Variants in ZFPM2 observed in about 807,000 individuals in gnomAD.
ZFPM2 encodes zinc finger protein ZFPM2.
Under a neutral mutation model 98.6 loss-of-function variants are expected in ZFPM2, and 20 were observed. That is an observed-to-expected ratio of 0.20 (90% CI 0.14 to 0.29). The LOEUF is 0.29. Among genes scored for constraint, ZFPM2 ranks in the 10% least tolerant of loss-of-function variants. ZFPM2 has a pLI of 1.00. For missense variants in ZFPM2, 1,310 were observed against 1,388.6 expected (o/e 0.94, Z 0.90); for synonymous variants, 518 against 502.7 (o/e 1.03, Z -0.41).
chr8:105,557,435 C>G (rs1350144913), intron 3 of ZFPM2, among the ~76,000 whole-genome samples: 2 of 152,156 alleles, frequency 1.3e-5, no homozygotes, highest in Admixed American at 1.3e-4. Flanking sequence ...TTATTTTACT[C>G]TTAATTCTTG....
At chr8:105,322,562 G>A (rs377206796) in intron 1 of ZFPM2, among the ~76,000 whole-genome samples, 1 of 151,502 alleles carries the variant, frequency 6.6e-6, no homozygotes, top group South Asian at 2.1e-4. Context: ...ATTAGGAAAA[G>A]GCACTCTTCT....
At chr8:105,769,075 T>C (rs1341669567) in intron 5 of ZFPM2, among the ~76,000 whole-genome samples, 1 of 152,048 alleles carries the variant, frequency 6.6e-6, no homozygotes, top group Non-Finnish European at 1.5e-5. Flanking sequence ...GAAAACGTTT[T>C]AGCTCAGGTT....
chr8:105,506,443 A>T (rs1376675043), intron 3 of ZFPM2, among the ~76,000 whole-genome samples: 1 of 152,216 alleles, frequency 6.6e-6, no homozygotes, highest in Non-Finnish European at 1.5e-5. Context: ...TAAAAATGAA[A>T]TATAATATTT....
chr8:105,358,825 C>T (rs1375189676), intron 1 of ZFPM2, among the ~76,000 whole-genome samples: 6 of 151,952 alleles, frequency 3.9e-5, no homozygotes, highest in Non-Finnish European at 5.9e-5. Context: ...TGTGGTGGTG[C>T]GTGCCTGTAG....
At chr8:105,413,667 A>G (rs1811625346) in intron 1 of ZFPM2, among the ~76,000 whole-genome samples, 1 of 151,688 alleles carries the variant, frequency 6.6e-6, no homozygotes, top group Admixed American at 6.6e-5. Context: ...AAAAGAGTTC[A>G]AAAGAGCATA....
At chr8:105,511,473 C>T (rs184432777) in intron 3 of ZFPM2, among the ~76,000 whole-genome samples, 1 of 152,278 alleles carries the variant, frequency 6.6e-6, no homozygotes, top group Admixed American at 6.5e-5. Flanking sequence ...GGCCCATGGC[C>T]AGAACCAACC....
At chr8:105,321,336 C>G (rs1469375082) in intron 1 of ZFPM2, among the ~76,000 whole-genome samples, 2 of 152,010 alleles carry the variant, frequency 1.3e-5, no homozygotes, top group Admixed American at 6.6e-5. Flanking sequence ...TTTTCTATTA[C>G]AAACAACACT....
At chr8:105,591,129 A>G (rs1166037842) in intron 4 of ZFPM2, among the ~76,000 whole-genome samples, 1 of 152,150 alleles carries the variant, frequency 6.6e-6, no homozygotes, top group Non-Finnish European at 1.5e-5. Flanking sequence ...AAGTAAATAT[A>G]GACTATGAAT....
chr8:105,687,132 C>T (rs1389546529), intron 5 of ZFPM2, among the ~76,000 whole-genome samples: 2 of 152,148 alleles, frequency 1.3e-5, no homozygotes, highest in African/African-American at 4.8e-5. Context: ...GGAGATGGTG[C>T]TCAACATGAC....
chr8:105,785,805 G>A (rs1813397729), intron 5 of ZFPM2, among the ~76,000 whole-genome samples: 1 of 152,112 alleles, frequency 6.6e-6, no homozygotes, highest in African/African-American at 2.4e-5. Context: ...CACTTTGGGA[G>A]GCCGAGGCGG....
intron 7 of ZFPM2, among the ~76,000 whole-genome samples, chr8:105,800,704 A>C (rs988689633): frequency 2.0e-5 from 3 of 152,148 alleles, no homozygotes; most frequent in African/African-American, 7.2e-5. Flanking sequence ...GTAATTATAA[A>C]ATCCAAGGCT....
At chr8:105,729,909 A>G (rs1158766841) in intron 5 of ZFPM2, among the ~76,000 whole-genome samples, 1 of 151,176 alleles carries the variant, frequency 6.6e-6, no homozygotes, top group African/African-American at 2.4e-5. Flanking sequence ...TACTATATAT[A>G]TTAAATATAT....
At chr8:105,419,443 A>G in intron 2 of ZFPM2, 141 bp downstream of exon 2, 1 of 1,034,978 alleles carries the variant, frequency 9.7e-7, no homozygotes, top group Non-Finnish European at 1.4e-6. Context: ...TAAACATAAA[A>G]TTTTATTTCG....
intron 4 of ZFPM2, among the ~76,000 whole-genome samples, chr8:105,588,237 C>T (rs953776464): frequency 1.3e-5 from 2 of 152,058 alleles, no homozygotes; most frequent in Non-Finnish European, 1.5e-5. Context: ...CTACATATAT[C>T]GGGCAGAGAC....
chr8:105,356,077 G>A (rs1180820637), intron 1 of ZFPM2, among the ~76,000 whole-genome samples: 1 of 152,190 alleles, frequency 6.6e-6, no homozygotes, highest in Non-Finnish European at 1.5e-5. Flanking sequence ...TTACATGGAA[G>A]TTTTTGTGAA....
chr8:105,318,854 G>GGCA lies in ZFPM2; in HGVS notation c.-86_-85insAGC. ...CGGGCCGAGCCTGGCCAGCGGCGGCGGCGGCGGCGGCGGCGGCGGGAGCCG... is the reference window on the plus strand; with the variant it reads ...CGGGCCGAGCCTGGCCAGCGGCGGCGGCAGCGGCGGCGGCGGCGGCGGGAGCCG... On this transcript the variant is annotated 5_prime_UTR_variant, in exon 1 of 8. Coordinates refer to ENST00000407775, the MANE Select transcript of ZFPM2 (RefSeq NM_012082.4). 1 of 801,576 alleles carries GGCA rather than the reference G, an allele frequency of 1.2e-6. No homozygotes were observed. Among genetic ancestry groups the GGCA allele is most frequent in the Non-Finnish European group, 1.4e-6 (1 of 696,922 alleles). 49.7% of individuals were successfully genotyped at this position (801,576 alleles called of 1,614,324 possible).
At chr8:105,544,592 A>G (rs1814652164) in intron 3 of ZFPM2, among the ~76,000 whole-genome samples, 2 of 152,216 alleles carry the variant, frequency 1.3e-5, no homozygotes, top group South Asian at 4.1e-4. Context: ...CTGTAATTTG[A>G]TGTTCTGAAG....
At chr8:105,377,976 TCA>T (rs1810764811) in intron 1 of ZFPM2, among the ~76,000 whole-genome samples, 1 of 152,164 alleles carries the variant, frequency 6.6e-6, no homozygotes, top group Non-Finnish European at 1.5e-5. Flanking sequence ...CTTCCCAGTT[TCA>T]GTTATGGGAA....
At chr8:105,731,992 C>G (rs939957857) in intron 5 of ZFPM2, among the ~76,000 whole-genome samples, 2 of 151,698 alleles carry the variant, frequency 1.3e-5, no homozygotes, top group Non-Finnish European at 2.9e-5. Context: ...ATAAGGTATA[C>G]TAAATGAACT....
Sources: allele counts gnomAD v4.1 joint callset (sites outside exome capture counted in the v4.1 genomes callset), GRCh38; gene constraint gnomAD v4.1.1; transcripts MANE v1.5; gene names NCBI Gene and HGNC (gene_info 2026-07-23, HGNC 2026-07-21).